Variants in ST18 observed in about 807,000 individuals in gnomAD.
ST18 encodes suppression of tumorigenicity 18 protein.
Under a neutral mutation model 110.0 loss-of-function variants are expected in ST18, and 50 were observed. The ratio of observed to expected loss-of-function variants is 0.45; its 90% CI spans 0.36 to 0.58. ST18 has a LOEUF of 0.58. Among genes scored for constraint, ST18 ranks in the 20% least tolerant of loss-of-function variants. ST18 has a pLI of 0.00. For missense variants in ST18, 1,306 were observed against 1,280.1 expected (o/e 1.02, Z -0.31); for synonymous variants, 461 against 452.4 (o/e 1.02, Z -0.24).
intron 2 of ST18, among the ~76,000 whole-genome samples, chr8:52,232,058 C>T (rs931088626): frequency 6.6e-6 from 1 of 152,204 alleles, no homozygotes; most frequent in Admixed American, 6.5e-5. Context: ...TTTAGGTATT[C>T]ACTATTAAAT....
intron 2 of ST18, among the ~76,000 whole-genome samples, chr8:52,261,927 A>G (rs1223401909): frequency 6.6e-6 from 1 of 152,194 alleles, no homozygotes; most frequent in Non-Finnish European, 1.5e-5. Flanking sequence ...CTGACAAACA[A>G]TTAGACTATG....
chr8:52,147,793 T>C (rs1293274242), intron 16 of ST18, among the ~76,000 whole-genome samples: 1 of 152,178 alleles, frequency 6.6e-6, no homozygotes, highest in East Asian at 1.9e-4. Context: ...GTAGATGCAA[T>C]GTGCCATGAT....
chr8:52,180,207 G>A lies in ST18; in HGVS notation c.192C>T (p.Tyr64=), dbSNP rs754968515. The A allele has an allele frequency of 4.3e-6, 7 of 1,614,166 alleles. No individual in the cohort carries two copies. The highest frequency in any genetic ancestry group is 4.0e-5 in the African/African-American group (3 of 75,036). The change falls in exon 9 of 26, where the codon TAC becomes TAT. Residue 64 remains tyrosine, a synonymous_variant. Transcript: ENST00000689386. ...RKSLLMKPRH[Y]SPKADCQEDR... ...CTTCTTGGCAGTCTGCTTTTGGGCT[G>A]TAGTGTCGGGGCTTCATTAGCAGGG...
In ST18 at chr8:52,409,736, A is replaced by G. The variant is rs1325870741; in HGVS notation, c.-778T>C. ...TTAAAAACATCCTGCCCTTCTCCCT[A>G]CAAAAAGGTTCCATAGAATCAGAAC... On this transcript the variant is annotated 5_prime_UTR_variant, in exon 1 of 26. Transcript: ENST00000689386. 6.6e-6 allele frequency: 1 copy of G among 152,246 alleles called. No individual in the cohort carries two copies. The highest frequency in any genetic ancestry group is 1.5e-5 in the Non-Finnish European group (1 of 68,060). The allele number at this position is 152,246 out of a possible 1,614,324, so 9.4% of individuals were successfully genotyped here.
At chr8:52,223,410 G>A (rs757180029) in intron 3 of ST18, among the ~76,000 whole-genome samples, 73 of 152,174 alleles carry the variant, frequency 4.8e-4, no homozygotes, top group Admixed American at 1.1e-3. Context: ...TTGGGAGGCC[G>A]AGGCGGGTGG....
At chr8:52,208,165 T>C (rs955479340) in intron 8 of ST18, among the ~76,000 whole-genome samples, 4 of 152,334 alleles carry the variant, frequency 2.6e-5, no homozygotes, top group African/African-American at 7.2e-5. Flanking sequence ...ATGAAGAATA[T>C]ACAGTATATT....
chr8:52,263,287 T>C (rs1369947556), intron 2 of ST18, among the ~76,000 whole-genome samples: 2 of 152,212 alleles, frequency 1.3e-5, no homozygotes, highest in Non-Finnish European at 2.9e-5. Context: ...TAGCTCAAGA[T>C]ACTTCACGCT....
intron 2 of ST18, among the ~76,000 whole-genome samples, chr8:52,230,910 A>C (rs2091152899): frequency 6.6e-6 from 1 of 152,198 alleles, no homozygotes; most frequent in East Asian, 1.9e-4. Flanking sequence ...GGATAGCCTC[A>C]AAAGTTTGCA....
intron 2 of ST18, among the ~76,000 whole-genome samples, chr8:52,315,935 T>A (rs1416008630): frequency 6.6e-6 from 1 of 152,244 alleles, no homozygotes; most frequent in Non-Finnish European, 1.5e-5. Context: ...CGTTTGACAT[T>A]ACCCTGAAAC....
intron 9 of ST18, among the ~76,000 whole-genome samples, chr8:52,174,680 T>C (rs762711790): frequency 2.0e-5 from 3 of 152,224 alleles, no homozygotes; most frequent in Non-Finnish European, 4.4e-5. Flanking sequence ...CCAGTTTACA[T>C]AATTGTTTGG....
chr8:52,215,776 A>G (rs1444896057), intron 6 of ST18, among the ~76,000 whole-genome samples: 2 of 152,304 alleles, frequency 1.3e-5, no homozygotes, highest in Non-Finnish European at 2.9e-5. Context: ...GACACTGCCT[A>G]AGATGAAAAT....
At chr8:52,339,430 A>G (rs1301224805) in intron 2 of ST18, among the ~76,000 whole-genome samples, 1 of 152,194 alleles carries the variant, frequency 6.6e-6, no homozygotes, top group African/African-American at 2.4e-5. Context: ...CACACGACAA[A>G]ACCTCACCAT....
intron 8 of ST18, among the ~76,000 whole-genome samples, chr8:52,192,610 A>G (rs1269582988): frequency 2.0e-5 from 3 of 152,216 alleles, no homozygotes; most frequent in African/African-American, 7.2e-5. Context: ...CCTGAGAGGC[A>G]TCATGCCAAA....
chr8:52,175,026 TA>T (rs1342209137), intron 9 of ST18, among the ~76,000 whole-genome samples: 1 of 152,188 alleles, frequency 6.6e-6, no homozygotes, highest in Non-Finnish European at 1.5e-5. Flanking sequence ...TGAACTGACC[TA>T]AAAAGCCCTG....
At chr8:52,287,239 C>T (rs2139269921) in intron 2 of ST18, among the ~76,000 whole-genome samples, 1 of 152,258 alleles carries the variant, frequency 6.6e-6, no homozygotes, top group East Asian at 1.9e-4. Context: ...TAGAACCTAT[C>T]CACAATACCA....
At chr8:52,261,228 T>A (rs1039799018) in intron 2 of ST18, among the ~76,000 whole-genome samples, 21 of 152,194 alleles carry the variant, frequency 1.4e-4, no homozygotes, top group African/African-American at 4.6e-4. Flanking sequence ...GTTCACACAA[T>A]ATTTTTCTTA....
At chr8:52,406,790 T>C (rs1476571058) in intron 2 of ST18, 1 of 152,232 alleles carries the variant, frequency 6.6e-6, no homozygotes, top group Admixed American at 6.5e-5. Flanking sequence ...AGGGCACTTT[T>C]GACTAGAACC....
At chr8:52,265,509 G>A (rs532446165) in intron 2 of ST18, among the ~76,000 whole-genome samples, 1 of 152,354 alleles carries the variant, frequency 6.6e-6, no homozygotes, top group Non-Finnish European at 1.5e-5. Context: ...TTGAAACAAA[G>A]CAGGCAGCCA....
chr8:52,303,339 T>C (rs2095760101), intron 2 of ST18, among the ~76,000 whole-genome samples: 1 of 152,262 alleles, frequency 6.6e-6, no homozygotes, highest in Non-Finnish European at 1.5e-5. Context: ...CCTTCGTCCC[T>C]TTATGTTTGT....
Sources: gnomAD v4.1 joint callset for allele counts (sites outside exome capture counted in the v4.1 genomes callset) on GRCh38, gnomAD v4.1.1 for gene constraint, MANE v1.5 for transcripts, NCBI Gene and HGNC (gene_info 2026-07-23, HGNC 2026-07-21) for gene names.